TIAM1: variants seen among roughly 807,000 people sequenced by gnomAD.
TIAM1 encodes the protein rho guanine nucleotide exchange factor TIAM1.
In TIAM1, 65 loss-of-function variants were observed where a neutral mutation model predicts 163.5. The observed-to-expected ratio is 0.40, with a 90% CI of 0.33 to 0.49. The LOEUF (loss-of-function observed/expected upper bound fraction) is 0.49, where lower values mean the gene tolerates loss of function less well. Among genes scored for constraint, TIAM1 ranks in the 20% least tolerant of loss-of-function variants. TIAM1 has a pLI of 0.77. For synonymous variants in TIAM1, 833 were observed against 810.1 expected, an observed-to-expected ratio of 1.03 and a Z score of -0.48; for missense variants, 1,789 against 2,044.7, an observed-to-expected ratio of 0.87 and a Z score of 2.41.
At chr21:31,407,515 G>A (rs2833396) in intron 2 of TIAM1, among the ~76,000 whole-genome samples, 4 of 151,908 alleles carry the variant, frequency 2.6e-5, no homozygotes, top group Non-Finnish European at 5.9e-5. Context: ...TGAGCCACTG[G>A]ATACCCTGGT....
rs11377256 is a variant in TIAM1, at chr21:31,208,953, A to ATT, written c.2388+1090_2388+1091dup. On this transcript the variant is annotated intron_variant, in intron 11 of 27. Transcript: ENST00000541036. ...TAAAATTGTGATAGAAAAGTTTTTC[A>ATT]TTTTTTTTTTTAGCAGCCCCAAAGA... Among the ~76,000 whole-genome samples, 92 of 147,482 alleles carry ATT rather than the reference A, an allele frequency of 6.2e-4. 2 individuals are homozygous for ATT. In the South Asian group the frequency reaches 9.7e-3, roughly 16 times the overall value.
At chr21:31,227,147 G>A (rs993939101) in intron 6 of TIAM1, among the ~76,000 whole-genome samples, 1 of 151,778 alleles carries the variant, frequency 6.6e-6, no homozygotes, top group Admixed American at 6.6e-5. Context: ...AGTAGAGACA[G>A]GGTTTCACCA....
intron 1 of TIAM1, among the ~76,000 whole-genome samples, chr21:31,468,762 C>T (rs9636852): frequency 6.6e-6 from 1 of 151,876 alleles, no homozygotes. Context: ...GGTGACAGAG[C>T]GAGACTCCAT....
chr21:31,471,214 G>A (rs1438242017), intron 1 of TIAM1, among the ~76,000 whole-genome samples: 4 of 152,186 alleles, frequency 2.6e-5, no homozygotes, highest in Non-Finnish European at 2.9e-5. Flanking sequence ...AACGAAGCCC[G>A]GAGCTGTCTG....
chr21:31,459,696 A>G (rs1429381816), intron 2 of TIAM1, among the ~76,000 whole-genome samples: 3 of 152,188 alleles, frequency 2.0e-5, no homozygotes, highest in Non-Finnish European at 4.4e-5. Context: ...GGATTTTACC[A>G]TCAGGGGGTG....
intron 27 of TIAM1, among the ~76,000 whole-genome samples, chr21:31,123,632 A>G (rs1368647011): frequency 3.3e-5 from 5 of 152,160 alleles, no homozygotes; most frequent in African/African-American, 1.2e-4. Context: ...ATCCCTCTTC[A>G]ATAGGTAGGA....
In TIAM1 at chr21:31,154,313, G is replaced by A. The variant is rs2083513324; in HGVS notation, c.3105C>T (p.Leu1035=). 6.2e-7 allele frequency: 1 copy of A among 1,614,184 alleles called. No individual in the cohort carries two copies. Among genetic ancestry groups the A allele is most frequent in the Non-Finnish European group, 8.5e-7 (1 of 1,180,036 alleles). Residue 1035 remains leucine (L), a synonymous_variant, in exon 17 of 28, where the codon CTC becomes CTT. Coordinates refer to ENST00000541036, the MANE Select transcript of TIAM1 (RefSeq NM_001353694.2). ...CCTTGCGCAGCTTATCTGCATCCGAGAGTTGTCTCATGGTCGCCAGCTGAG... is the reference window on the plus strand; with the variant it reads ...CCTTGCGCAGCTTATCTGCATCCGAAAGTTGTCTCATGGTCGCCAGCTGAG... ...TGPQLATMRQ[L]SDADKLRKVI...
intron 15 of TIAM1, among the ~76,000 whole-genome samples, chr21:31,170,112 GAT>G (rs1190874139): frequency 3.9e-5 from 6 of 152,078 alleles, no homozygotes; most frequent in Admixed American, 3.9e-4. Flanking sequence ...TTCATGTTTA[GAT>G]TATAGAAAAA....
At chr21:31,265,447 A>T (rs572024240) in intron 4 of TIAM1, among the ~76,000 whole-genome samples, 1 of 152,052 alleles carries the variant, frequency 6.6e-6, no homozygotes, top group South Asian at 2.1e-4. Context: ...ACCTCCCTCC[A>T]GAGACAGGGC....
intron 1 of TIAM1, among the ~76,000 whole-genome samples, chr21:31,480,725 A>ACATTCATT (rs59321897): frequency 6.6e-6 from 1 of 152,042 alleles, no homozygotes; most frequent in African/African-American, 2.4e-5. Context: ...GGATTCAACA[A>ACATTCATT]CATTCATTCA....
Position 31,245,638 on chromosome 21 carries a change from C to G in TIAM1, c.1434G>C (p.Glu478Asp). 6.3e-7 allele frequency: 1 copy of G among 1,582,620 alleles called. No homozygotes were observed. The highest frequency in any genetic ancestry group is 1.2e-5 in the South Asian group (1 of 85,714). The change falls in exon 6 of 28, where the codon GAG (glutamate) becomes GAC (aspartate). Residue 478 changes from glutamate to aspartate, a missense_variant. Physicochemically the swap from Glu to Asp is conservative, Grantham distance 45. Transcript: ENST00000541036. The stretch of plus-strand genomic sequence containing the variant: ...GGTCTATCCCAGACCTGCCGTCGCT[C>G]TCGTAGAAAAATAGCGTGCATCCTG... ...SLKGCTLFFY[E>D]SDGRSGIDHN...
chr21:31,176,611 C>G (rs781216669), intron 15 of TIAM1, among the ~76,000 whole-genome samples: 28 of 152,004 alleles, frequency 1.8e-4, no homozygotes, highest in Non-Finnish European at 1.6e-4. Flanking sequence ...AACCAAGGAA[C>G]GGGAGAATGG....
At chr21:31,433,427 AT>A (rs1569327194) in intron 2 of TIAM1, among the ~76,000 whole-genome samples, 1 of 152,232 alleles carries the variant, frequency 6.6e-6, no homozygotes, top group Non-Finnish European at 1.5e-5. Context: ...CAGTTATGCC[AT>A]TTGCAGATAC....
intron 1 of TIAM1, among the ~76,000 whole-genome samples, chr21:31,490,433 G>GT (rs1258915852): frequency 6.9e-6 from 1 of 145,248 alleles, no homozygotes; most frequent in Non-Finnish European, 1.5e-5. Context: ...ACTGGACCTA[G>GT]CCTTTACATA....
At chr21:31,406,883 T>C (rs2077256771) in intron 2 of TIAM1, among the ~76,000 whole-genome samples, 1 of 152,214 alleles carries the variant, frequency 6.6e-6, no homozygotes, top group Non-Finnish European at 1.5e-5. Flanking sequence ...ATGAGTTTTT[T>C]AAGTTCTGCA....
chr21:31,194,116 G>A (rs936803736), intron 13 of TIAM1, among the ~76,000 whole-genome samples: 1 of 148,748 alleles, frequency 6.7e-6, no homozygotes, highest in Non-Finnish European at 1.5e-5. Flanking sequence ...GCAGGAGAGA[G>A]AGCTATTCTC....
chr21:31,238,769 T>C (rs1601661701), intron 6 of TIAM1, among the ~76,000 whole-genome samples: 5 of 152,352 alleles, frequency 3.3e-5, no homozygotes, highest in Admixed American at 3.3e-4. Flanking sequence ...CACGTTCTTC[T>C]TAGGGTCAAC....
At chr21:31,470,053 G>A (rs556974963) in intron 1 of TIAM1, among the ~76,000 whole-genome samples, 1 of 150,166 alleles carries the variant, frequency 6.7e-6, no homozygotes, top group Non-Finnish European at 1.5e-5. Context: ...ACCCAGGCTG[G>A]AGTGCAGTGG....
upstream of TIAM1, among the ~76,000 whole-genome samples, chr21:31,344,514 T>G (rs959131107): frequency 5.9e-5 from 9 of 152,176 alleles, no homozygotes; most frequent in African/African-American, 2.2e-4. Context: ...GCGTGAGTGC[T>G]TGTCAAATAA....
Sources: gnomAD v4.1 joint callset for allele counts (sites outside exome capture counted in the v4.1 genomes callset) on GRCh38, gnomAD v4.1.1 for gene constraint, MANE v1.5 for transcripts, NCBI Gene and HGNC (gene_info 2026-07-23, HGNC 2026-07-21) for gene names.